CNGB1: variants seen among roughly 807,000 people sequenced by gnomAD.
The protein encoded by CNGB1 is cyclic nucleotide gated channel subunit beta 1, also known as cyclic nucleotide-gated channel beta-1.
A neutral mutation model predicts 151.7 loss-of-function variants in CNGB1; 126 were observed. The observed-to-expected ratio is 0.83, with a 90% CI of 0.72 to 0.96. CNGB1 has a LOEUF of 0.96. Ranked by LOEUF, CNGB1 falls within the 40% of genes least tolerant of loss-of-function variation. CNGB1 has a pLI of 0.00. For missense variants in CNGB1, 1,698 were observed against 1,627.0 expected, an observed-to-expected ratio of 1.04 and a Z score of -0.75; for synonymous variants, 623 against 635.1, an observed-to-expected ratio of 0.98 and a Z score of 0.29.
intron 32 of CNGB1, among the ~76,000 whole-genome samples, chr16:57,886,158 G>A (rs1025633786): frequency 6.6e-6 from 1 of 152,190 alleles, no homozygotes; most frequent in Non-Finnish European, 1.5e-5. Flanking sequence ...GGGTGACAGA[G>A]CTGGGATTTG....
Position 57,964,496 on chromosome 16 carries a change from T to C in CNGB1, c.208A>G (p.Ser70Gly). ...KEEEVAVADP[S>G]PQETKEAALT... The stretch of plus-strand genomic sequence containing the variant: ...CAGCACTCGCACTCACCCTGAGGGC[T>C]TGGGTCTGCCACAGCCACTTCCTCC... Residue 70 changes from serine (S) to glycine (G), a missense_variant, in exon 3 of 33, where the codon AGC becomes GGC. Ser to Gly is a moderately conservative substitution (Grantham distance 56, BLOSUM62 0). Coordinates refer to ENST00000251102, the MANE Select transcript of CNGB1 (RefSeq NM_001297.5). 1 of 1,614,112 alleles carries C rather than the reference T, an allele frequency of 6.2e-7. No individual in the cohort carries two copies. Among genetic ancestry groups the C allele is most frequent in the Non-Finnish European group, 8.5e-7 (1 of 1,180,004 alleles).
chr16:57,948,413 C>G (rs1448098915), intron 14 of CNGB1, among the ~76,000 whole-genome samples: 2 of 151,774 alleles, frequency 1.3e-5, no homozygotes, highest in Non-Finnish European at 2.9e-5. Flanking sequence ...CCTCGGCCTC[C>G]CAGAGTGCTG....
chr16:57,941,261 T>C (rs547798988), intron 14 of CNGB1, among the ~76,000 whole-genome samples: 1 of 152,324 alleles, frequency 6.6e-6, no homozygotes, highest in African/African-American at 2.4e-5. Context: ...TCCTGCTTCC[T>C]AACACCCCCT....
chr16:57,956,928 G>T (rs1294125330), intron 12 of CNGB1, among the ~76,000 whole-genome samples: 4 of 152,288 alleles, frequency 2.6e-5, no homozygotes, highest in African/African-American at 9.6e-5. Context: ...AAGGGAGCTG[G>T]AGGCTGTGGA....
intron 12 of CNGB1, among the ~76,000 whole-genome samples, chr16:57,950,948 C>T (rs1434008949): frequency 6.7e-6 from 1 of 149,234 alleles, no homozygotes; most frequent in East Asian, 1.9e-4. Flanking sequence ...ACTGGATTGT[C>T]CTGGGGGATG....
intron 12 of CNGB1, among the ~76,000 whole-genome samples, chr16:57,953,265 G>A (rs1214745612): frequency 8.5e-5 from 13 of 152,150 alleles, no homozygotes; most frequent in African/African-American, 2.9e-4. Context: ...GGGAGGCCGA[G>A]GTCGGCAGAT....
At chr16:57,963,130 A>T in intron 4 of CNGB1, 66 bp from the exon 5 acceptor site, 1 of 1,178,614 alleles carries the variant, frequency 8.5e-7, no homozygotes, top group East Asian at 2.3e-5. Context: ...CTCGAGGCCC[A>T]AGACACTAGG....
intron 21 of CNGB1, 49 bp from the exon 22 acceptor site, chr16:57,916,228 CT>C: frequency 6.4e-7 from 1 of 1,568,728 alleles, no homozygotes; most frequent in Non-Finnish European, 8.8e-7. Flanking sequence ...AGCTTAATCT[CT>C]GACCCTGTGG....
In CNGB1 at chr16:57,959,932, G is replaced by A; in HGVS notation, c.717C>T (p.Ser239=). 2.5e-6 allele frequency: 4 copies of A among 1,581,464 alleles called. No homozygotes were observed. Among genetic ancestry groups the A allele is most frequent in the Non-Finnish European group, 3.4e-6 (4 of 1,161,910 alleles). ...GTGGCAGGGAGGAGGTCTGGGCCTG[G>A]GAGCCGGGCTGGGGCTCTGGAGCTG... ...EAPAPEPQPG[S]QAQTSSLPPT... Residue 239 remains serine, a synonymous_variant, in exon 10 of 33, where the codon TCC becomes TCT. Transcript: ENST00000251102.
intron 10 of CNGB1, 143 bp downstream of exon 10, chr16:57,959,736 AAAGGGCACG>A: frequency 1.1e-6 from 1 of 933,330 alleles, no homozygotes; most frequent in Non-Finnish European, 1.5e-6. Flanking sequence ...AAAATGTGGG[AAAGGGCACG>A]AAGCTGATGT....
In CNGB1 at chr16:57,931,787, G is replaced by A. The variant is rs372219689; in HGVS notation, c.1464C>T (p.Thr488=). The change falls in exon 17 of 33, where the codon ACC becomes ACT. Residue 488 remains threonine, a synonymous_variant. Coordinates refer to ENST00000251102, the MANE Select transcript of CNGB1 (RefSeq NM_001297.5). The part of the protein sequence containing the change: ...PLMAEENPPS[T]VLPPPSPAKS... ...TGGCAGGAGACGGTGGCGGCAACAC[G>A]GTTGAGGGTGGATTCTCTTCTGCCA... The A allele has an allele frequency of 5.1e-5, 83 of 1,614,154 alleles. No homozygotes were observed. In the African/African-American group the frequency reaches 5.5e-4, roughly 11 times the overall value.
intron 7 of CNGB1, among the ~76,000 whole-genome samples, chr16:57,961,738 T>C (rs1962262543): frequency 6.6e-6 from 1 of 152,148 alleles, no homozygotes; most frequent in Non-Finnish European, 1.5e-5. Flanking sequence ...GTGTGCTGAG[T>C]CCTCACTCTG....
At chr16:57,898,285 A>T (rs984566047) in intron 29 of CNGB1, among the ~76,000 whole-genome samples, 10 of 152,134 alleles carry the variant, frequency 6.6e-5, no homozygotes, top group Non-Finnish European at 8.8e-5. Flanking sequence ...AGCTCCCACC[A>T]TCAAATGATG....
intron 2 of CNGB1, among the ~76,000 whole-genome samples, chr16:57,965,980 C>T (rs1048780049): frequency 5.9e-5 from 9 of 152,134 alleles, no homozygotes; most frequent in Non-Finnish European, 7.4e-5. Context: ...CACATGCATA[C>T]GCACACCCTA....
rs181146762 is a variant in CNGB1 at position 57,909,002 on chromosome 16, G to A, written c.2492+2751C>T. 2.8e-3 allele frequency among the ~76,000 whole-genome samples: 428 copies of A among 152,268 alleles called. 3 individuals carry two copies. The highest frequency in any genetic ancestry group is 9.6e-3 in the African/African-American group (400 of 41,560). On this transcript the variant is annotated intron_variant, in intron 25 of 32. Transcript: ENST00000251102. Reference sequence around the variant, plus strand: ...ACACCATCCAGCCTTAAAATGAGGTGCACACCTGTAACTCTAGCACTTTGG... The same window carrying A: ...ACACCATCCAGCCTTAAAATGAGGTACACACCTGTAACTCTAGCACTTTGG...
At chr16:57,919,351 T>C (rs1336046990) in intron 19 of CNGB1, 97 bp from the exon 20 acceptor site, 1 of 1,605,412 alleles carries the variant, frequency 6.2e-7, no homozygotes, top group Non-Finnish European at 8.5e-7. Context: ...GATCCAGATC[T>C]GAGAGGACCC....
chr16:57,960,422 T>G (rs1962214008), intron 9 of CNGB1, 60 bp downstream of exon 9: 1 of 1,579,976 alleles, frequency 6.3e-7, no homozygotes, highest in Non-Finnish European at 8.7e-7. Flanking sequence ...GCCCAGTTGA[T>G]CCCTGAGCCC....
intron 25 of CNGB1, among the ~76,000 whole-genome samples, chr16:57,908,858 G>C (rs1318482172): frequency 1.3e-5 from 2 of 152,212 alleles, no homozygotes; most frequent in African/African-American, 2.4e-5. Context: ...CTTGCTGGCT[G>C]TCTGCTGCCT....
In CNGB1 at chr16:57,967,295, C is replaced by T. The variant is rs1962424911; in HGVS notation, c.-8-1G>A. On this transcript the variant is annotated splice_acceptor_variant, in intron 1 of 32. Transcript: ENST00000251102. LOFTEE classifies it low-confidence loss of function (5UTR_SPLICE). Reference sequence around the variant, plus strand: ...TGGACCCAGCCCAACATCCTGATGCCTGTAGGAGACAGAGTCCTTAGCCCT... The same window carrying T: ...TGGACCCAGCCCAACATCCTGATGCTTGTAGGAGACAGAGTCCTTAGCCCT... 15 of 1,614,090 alleles carry T rather than the reference C, an allele frequency of 9.3e-6. No homozygotes were observed. The highest frequency in any genetic ancestry group is 1.2e-5 in the Non-Finnish European group (14 of 1,180,048).
Sources: gnomAD v4.1 joint callset for allele counts (sites outside exome capture counted in the v4.1 genomes callset) on GRCh38, gnomAD v4.1.1 for gene constraint, MANE v1.5 for transcripts, NCBI Gene and HGNC (gene_info 2026-07-23, HGNC 2026-07-21) for gene names.